The following ZNF704 variants were observed in gnomAD, a reference collection of about 807,000 sequenced individuals.
ZNF704 encodes glucocorticoid induced gene 1.
ZNF704 carries 10 observed loss-of-function variants against 44.7 expected under a neutral mutation model. The observed-to-expected ratio is 0.22, with a 90% confidence interval of 0.14 to 0.38. The LOEUF (loss-of-function observed/expected upper bound fraction) is 0.38. Among genes scored for constraint, ZNF704 ranks in the 10% least tolerant of loss-of-function variants. The probability of loss-of-function intolerance (pLI) is 1.00; values close to 1 mark genes in which losing one functional copy is unlikely to be tolerated. For missense variants in ZNF704, 390 were observed against 545.5 expected (o/e 0.71, Z 2.84); for synonymous variants, 211 against 207.6 (o/e 1.02, Z -0.14).
chr8:80,751,492 C>T (rs1458996691), intron 2 of ZNF704, among the ~76,000 whole-genome samples: 3 of 152,144 alleles, frequency 2.0e-5, no homozygotes, highest in African/African-American at 7.2e-5. Flanking sequence ...GCTATTTACC[C>T]ACCACATATT....
At chr8:80,795,281 C>G (rs558641599) in intron 2 of ZNF704, among the ~76,000 whole-genome samples, 1 of 151,986 alleles carries the variant, frequency 6.6e-6, no homozygotes, top group Non-Finnish European at 1.5e-5. Context: ...TTTAATGGCA[C>G]GGAATAAAAA....
At chr8:80,645,416 G>A (rs770460401) in intron 7 of ZNF704, among the ~76,000 whole-genome samples, 6 of 152,084 alleles carry the variant, frequency 3.9e-5, no homozygotes, top group Non-Finnish European at 7.4e-5. Flanking sequence ...CTCTTTCAAC[G>A]TAAAGGAATG....
At chr8:80,774,593 G>A (rs1807379698) in intron 2 of ZNF704, among the ~76,000 whole-genome samples, 1 of 152,108 alleles carries the variant, frequency 6.6e-6, no homozygotes, top group Non-Finnish European at 1.5e-5. Flanking sequence ...TTACTGCCCA[G>A]GGGGGATAAA....
At chr8:80,838,516 G>A (rs1358555520) in intron 1 of ZNF704, among the ~76,000 whole-genome samples, 1 of 151,724 alleles carries the variant, frequency 6.6e-6, no homozygotes, top group Non-Finnish European at 1.5e-5. Flanking sequence ...GAGCAGGCCA[G>A]GCCACATGCA....
intron 2 of ZNF704, among the ~76,000 whole-genome samples, chr8:80,766,885 G>A (rs921986445): frequency 2.6e-5 from 4 of 151,956 alleles, no homozygotes; most frequent in African/African-American, 9.7e-5. Flanking sequence ...GCTAATTTTT[G>A]TATTTTTAGT....
chr8:80,766,588 G>T (rs979769432), intron 2 of ZNF704, among the ~76,000 whole-genome samples: 6 of 152,084 alleles, frequency 3.9e-5, no homozygotes, highest in Non-Finnish European at 8.8e-5. Flanking sequence ...GAAATATGTG[G>T]ATCCTTTATA....
chr8:80,803,308 A>G (rs898471646), intron 2 of ZNF704, among the ~76,000 whole-genome samples: 2 of 152,194 alleles, frequency 1.3e-5, no homozygotes, highest in African/African-American at 4.8e-5. Context: ...ACTACCATTG[A>G]CATTCTTCAC....
intron 7 of ZNF704, among the ~76,000 whole-genome samples, chr8:80,647,688 A>C (rs1817855087): frequency 6.6e-6 from 1 of 152,224 alleles, no homozygotes; most frequent in Non-Finnish European, 1.5e-5. Flanking sequence ...TGGGGCACAA[A>C]GAAAATTGCA....
chr8:80,687,341 G>A lies in ZNF704; in HGVS notation c.443C>T (p.Pro148Leu). The A allele has an allele frequency of 1.9e-6, 3 of 1,610,136 alleles. No individual in the cohort carries two copies. The highest frequency in any genetic ancestry group is 2.5e-6 in the Non-Finnish European group (3 of 1,179,680). Residue 148 changes from proline to leucine, a missense_variant, in exon 4 of 9, where the codon CCG becomes CTG. Physicochemically the swap from Pro to Leu is moderately conservative, Grantham distance 98. Around this residue, in one of 3 missense-constraint regions of ZNF704, gnomAD observed 305 missense variants for 435.7 expected, o/e 0.70. Transcript: ENST00000327835. ...GGGCTTGAAGCTGTCAGCCGAGAGC[G>A]GCGGCGACGGCGTGGACGGGTTGGA... Reference protein sequence around the residue: ...DQSNPSTPSPPLSADSFKPFR... With the variant: ...DQSNPSTPSPLLSADSFKPFR...
intron 2 of ZNF704, among the ~76,000 whole-genome samples, chr8:80,788,965 C>T (rs1807659348): frequency 1.3e-5 from 2 of 152,130 alleles, no homozygotes; most frequent in East Asian, 1.9e-4. Flanking sequence ...GAAAAACTAT[C>T]GACTGTATTT....
intron 4 of ZNF704, among the ~76,000 whole-genome samples, chr8:80,684,595 A>T (rs1818504438): frequency 6.6e-6 from 1 of 152,228 alleles, no homozygotes; most frequent in Admixed American, 6.5e-5. Flanking sequence ...GACAGAACAT[A>T]TTGTCTGGTT....
intron 2 of ZNF704, among the ~76,000 whole-genome samples, chr8:80,746,643 C>A (rs149699531): frequency 6.6e-6 from 1 of 152,146 alleles, no homozygotes; most frequent in Non-Finnish European, 1.5e-5. Flanking sequence ...ATAGAACCTA[C>A]GTTTTCAAGT....
intron 2 of ZNF704, among the ~76,000 whole-genome samples, chr8:80,719,879 T>C (rs1424269810): frequency 6.6e-6 from 1 of 152,182 alleles, no homozygotes; most frequent in Non-Finnish European, 1.5e-5. Flanking sequence ...GATGTGATCT[T>C]GGGAAATCAT....
intron 4 of ZNF704, among the ~76,000 whole-genome samples, chr8:80,677,100 C>T (rs75146164): frequency 0.05 from 7,623 of 152,304 alleles, 636 homozygotes; most frequent in African/African-American, 0.17. Context: ...CCAGTGTCAT[C>T]TGATGGCTCT....
chr8:80,739,257 T>A (rs1806716227), intron 2 of ZNF704, among the ~76,000 whole-genome samples: 1 of 152,200 alleles, frequency 6.6e-6, no homozygotes, highest in Non-Finnish European at 1.5e-5. Context: ...TCGAGCAATC[T>A]CTTCTTATAC....
intron 2 of ZNF704, among the ~76,000 whole-genome samples, chr8:80,697,789 T>A (rs1396936129): frequency 6.6e-6 from 1 of 152,222 alleles, no homozygotes; most frequent in Non-Finnish European, 1.5e-5. Flanking sequence ...ATAGCGTGTG[T>A]CCTCCGTGAG....
At chr8:80,833,776 T>C (rs1389987605) in intron 1 of ZNF704, among the ~76,000 whole-genome samples, 3 of 152,184 alleles carry the variant, frequency 2.0e-5, no homozygotes, top group African/African-American at 4.8e-5. Context: ...TAAATCAATA[T>C]GCCGAGACAC....
intron 3 of ZNF704, among the ~76,000 whole-genome samples, chr8:80,689,672 A>G (rs1347783473): frequency 6.6e-6 from 1 of 152,230 alleles, no homozygotes; most frequent in Non-Finnish European, 1.5e-5. Context: ...TAATCATGTT[A>G]AGTATGAGGC....
intron 2 of ZNF704, among the ~76,000 whole-genome samples, chr8:80,816,984 A>G (rs1808186906): frequency 2.0e-5 from 3 of 152,178 alleles, no homozygotes; most frequent in African/African-American, 2.4e-5. Flanking sequence ...CTCAGAAGAG[A>G]GGTAGTTTGT....
Sources: gnomAD v4.1 joint callset for allele counts (sites outside exome capture counted in the v4.1 genomes callset) on GRCh38, gnomAD v4.1.1 for gene constraint, gnomAD v4.1.1 regional missense constraint, MANE v1.5 for transcripts, NCBI Gene and HGNC (gene_info 2026-07-23, HGNC 2026-07-21) for gene names.